IGSF11: variants seen among roughly 807,000 people sequenced by gnomAD.
The protein encoded by IGSF11 is immunoglobulin superfamily member 11, also known as CXADR like 1.
A neutral mutation model predicts 41.0 loss-of-function variants in IGSF11; 22 were observed. That is an observed-to-expected ratio of 0.54 (90% confidence interval 0.38 to 0.77). The LOEUF (loss-of-function observed/expected upper bound fraction) is 0.77, where lower values mean the gene tolerates loss of function less well. Ranked by LOEUF, IGSF11 falls within the 30% of genes least tolerant of loss-of-function variation. IGSF11 has a pLI of 0.00. For synonymous variants in IGSF11, 219 were observed against 201.3 expected, an observed-to-expected ratio of 1.09 and a Z score of -0.74; for missense variants, 444 against 530.8, an observed-to-expected ratio of 0.84 and a Z score of 1.61.
chr3:119,079,560 T>C (rs888699305), intron 1 of IGSF11, among the ~76,000 whole-genome samples: 4 of 152,174 alleles, frequency 2.6e-5, no homozygotes, highest in Non-Finnish European at 4.4e-5. Flanking sequence ...TATAAATCAT[T>C]CTTTCATAGA....
chr3:119,119,355 T>C (rs2077301985), intron 1 of IGSF11, among the ~76,000 whole-genome samples: 1 of 152,148 alleles, frequency 6.6e-6, no homozygotes. Flanking sequence ...CAAAGAGAGC[T>C]TGTGCAGGGA....
intron 1 of IGSF11, among the ~76,000 whole-genome samples, chr3:118,955,248 ACACACAT>A (rs1195115670): frequency 3.3e-5 from 5 of 151,346 alleles, no homozygotes; most frequent in African/African-American, 1.2e-4. Flanking sequence ...ACACACACAC[ACACACAT>A]ACACACACAC....
At chr3:119,019,418 G>T (rs755017895) in intron 1 of IGSF11, among the ~76,000 whole-genome samples, 1 of 148,996 alleles carries the variant, frequency 6.7e-6, no homozygotes, top group Non-Finnish European at 1.5e-5. Flanking sequence ...TCAGGAAGAT[G>T]ATTAGATTGG....
At chr3:119,106,539 T>A (rs895009216), upstream of IGSF11, among the ~76,000 whole-genome samples, 9 of 152,206 alleles carry the variant, frequency 5.9e-5, 1 homozygote, top group Non-Finnish European at 1.2e-4. Flanking sequence ...CAGGACTTCA[T>A]TCTTTTTTAT....
chr3:118,967,126 G>A (rs1945738802), intron 1 of IGSF11, among the ~76,000 whole-genome samples: 1 of 151,844 alleles, frequency 6.6e-6, no homozygotes. Context: ...TAAACATATG[G>A]GGATGCTAAA....
chr3:118,918,264 C>T (rs1429959629), intron 4 of IGSF11, among the ~76,000 whole-genome samples: 2 of 115,678 alleles, frequency 1.7e-5, no homozygotes, highest in South Asian at 3.8e-4. Flanking sequence ...CCAGGGCAAT[C>T]AGGCAGGAGA....
intron 1 of IGSF11, among the ~76,000 whole-genome samples, chr3:119,065,270 C>T (rs1470043061): frequency 6.6e-6 from 1 of 152,146 alleles, no homozygotes; most frequent in African/African-American, 2.4e-5. Flanking sequence ...ATGATAATGT[C>T]ACCTCTCACT....
At chr3:119,115,412 T>G (rs1278080259) in intron 1 of IGSF11, among the ~76,000 whole-genome samples, 1 of 152,214 alleles carries the variant, frequency 6.6e-6, no homozygotes, top group Non-Finnish European at 1.5e-5. Context: ...GCAGCATTTG[T>G]TAATTGCCTG....
chr3:118,999,686 C>T (rs1426900041), intron 1 of IGSF11, among the ~76,000 whole-genome samples: 1 of 152,132 alleles, frequency 6.6e-6, no homozygotes, highest in East Asian at 1.9e-4. Flanking sequence ...ATTCATAATG[C>T]TATATTAAAT....
intron 1 of IGSF11, among the ~76,000 whole-genome samples, chr3:119,130,438 C>T (rs1345832988): frequency 6.6e-6 from 1 of 152,216 alleles, no homozygotes; most frequent in Non-Finnish European, 1.5e-5. Flanking sequence ...CTCATGCCCA[C>T]AGAGCCTTGC....
At position 118,943,428 on chromosome 3, in the gene IGSF11, C is replaced by T. The variant is rs186141098; in HGVS notation, c.53-13153G>A. On this transcript the variant is annotated intron_variant, in intron 1 of 6. Transcript: ENST00000393775. ...CTGTGCTTTCAAAAATTTCAGAAAT[C>T]ATAGTTTAAAGACAAGGCAGGGAAT... Among the ~76,000 whole-genome samples, 253 of 152,262 alleles carry T rather than the reference C, an allele frequency of 1.7e-3. 1 individual carries two copies. The highest frequency in any genetic ancestry group is 0.01 in the South Asian group (50 of 4,826).
At chr3:119,058,261 T>A (rs1270509971) in intron 1 of IGSF11, among the ~76,000 whole-genome samples, 2 of 151,640 alleles carry the variant, frequency 1.3e-5, no homozygotes, top group Non-Finnish European at 2.9e-5. Context: ...TACAAAGAAC[T>A]CAAACAAATT....
intron 3 of IGSF11, among the ~76,000 whole-genome samples, chr3:118,926,945 C>T (rs989017406): frequency 1.3e-5 from 2 of 152,120 alleles, no homozygotes; most frequent in African/African-American, 4.8e-5. Flanking sequence ...AAGTTTCATG[C>T]TGGGGAATAC....
chr3:119,018,755 T>C (rs1003461142), intron 1 of IGSF11, among the ~76,000 whole-genome samples: 2 of 152,220 alleles, frequency 1.3e-5, no homozygotes, highest in African/African-American at 2.4e-5. Flanking sequence ...AGCTATGCCC[T>C]TAATGAAAAT....
At chr3:119,144,485 A>C (rs1245112750) in intron 1 of IGSF11, among the ~76,000 whole-genome samples, 1 of 152,250 alleles carries the variant, frequency 6.6e-6, no homozygotes, top group Non-Finnish European at 1.5e-5. Context: ...GCTAGAAATC[A>C]ATAAGAGAAG....
chr3:118,993,669 A>C (rs1263498112), intron 1 of IGSF11, among the ~76,000 whole-genome samples: 1 of 152,250 alleles, frequency 6.6e-6, no homozygotes, highest in Non-Finnish European at 1.5e-5. Context: ...AATATTATTC[A>C]GCAATAAAAA....
At chr3:119,079,112 C>G (rs921145097) in intron 1 of IGSF11, among the ~76,000 whole-genome samples, 28 of 152,076 alleles carry the variant, frequency 1.8e-4, no homozygotes, top group Non-Finnish European at 2.9e-5. Context: ...AATCCCAGCA[C>G]TTTGGGAAGC....
At chr3:119,076,074 T>C (rs1426697365) in intron 1 of IGSF11, among the ~76,000 whole-genome samples, 1 of 152,118 alleles carries the variant, frequency 6.6e-6, no homozygotes, top group African/African-American at 2.4e-5. Flanking sequence ...TATAGATCAA[T>C]GGAACAGAAC....
At chr3:119,100,379 G>T (rs1397928386) in intron 1 of IGSF11, among the ~76,000 whole-genome samples, 1 of 152,174 alleles carries the variant, frequency 6.6e-6, no homozygotes, top group Non-Finnish European at 1.5e-5. Context: ...GATAAGAGAA[G>T]ATCCTTAGAA....
Sources: allele counts gnomAD v4.1 joint callset (sites outside exome capture counted in the v4.1 genomes callset), GRCh38; gene constraint gnomAD v4.1.1; transcripts MANE v1.5; gene names NCBI Gene and HGNC (gene_info 2026-07-23, HGNC 2026-07-21).